The following TTLL8 variants were observed in gnomAD, a reference collection of about 807,000 sequenced individuals.
The protein encoded by TTLL8 is tubulin tyrosine ligase like 8.
TTLL8 carries 65 observed loss-of-function variants against 77.8 expected under a neutral mutation model. The ratio of observed to expected loss-of-function variants is 0.84; its 90% confidence interval spans 0.68 to 1.03. TTLL8 has a LOEUF of 1.03. Among genes scored for constraint, TTLL8 ranks in the 50% least tolerant of loss-of-function variants. The pLI, the probability that TTLL8 is intolerant of heterozygous loss-of-function variation, is 0.00. For missense variants in TTLL8, 910 were observed against 1,004.5 expected, an observed-to-expected ratio of 0.91 and a Z score of 1.27; for synonymous variants, 402 against 422.8, an observed-to-expected ratio of 0.95 and a Z score of 0.60.
chr22:50,041,089 A>G lies in TTLL8; in HGVS notation c.921+98T>C. 2.8e-6 allele frequency: 1 copy of G among 351,744 alleles called. No individual in the cohort carries two copies. Among genetic ancestry groups the G allele is most frequent in the African/African-American group, 2.3e-5 (1 of 44,104 alleles). The allele number at this position is 351,744 out of a possible 1,614,324, so 21.8% of individuals were successfully genotyped here. ...GGCACACCTCTGCCAGTCACTCGCC[A>G]GCTGCCAGGAGCTCTGGGCCCAGGC... On this transcript the variant is annotated intron_variant, in intron 8 of 13. Coordinates refer to ENST00000266182, the Ensembl canonical transcript of TTLL8. The surrounding 1 kb of genome is among the most constrained non-coding windows in gnomAD (Gnocchi z 4.3).
upstream of TTLL8, among the ~76,000 whole-genome samples, chr22:50,057,400 CTGGGT>C (rs1569237007): frequency 1.1e-4 from 5 of 44,652 alleles, no homozygotes; most frequent in Non-Finnish European, 3.9e-5. Context: ...GGGGTCAGGT[CTGGGT>C]TGGGCGGGAG....
intron 12 of TTLL8, among the ~76,000 whole-genome samples, chr22:50,024,945 G>A (rs2061223234): frequency 6.6e-6 from 1 of 152,190 alleles, no homozygotes; most frequent in Non-Finnish European, 1.5e-5. Flanking sequence ...GCAGGTGCCA[G>A]GTTATGTTCT....
intron 4 of TTLL8, 127 bp downstream of exon 6, chr22:50,047,041 A>C (rs1010434878): frequency 1.7e-6 from 2 of 1,193,930 alleles, no homozygotes; most frequent in Non-Finnish European, 1.1e-6. Context: ...TTAGACCAGG[A>C]GTCCTGGGAT....
chr22:50,056,752 T>G (rs1186281422), upstream of TTLL8: 2 of 1,281,300 alleles, frequency 1.6e-6, no homozygotes, highest in Non-Finnish European at 2.0e-6. This position sits in a 1 kb window ranked among gnomAD's most constrained non-coding sequence, Gnocchi z 4.1. Context: ...TGCAGCTCAG[T>G]GAAGTGCCTG....
At chr22:50,029,738 CA>C (rs1024959282) in intron 12 of TTLL8, among the ~76,000 whole-genome samples, 2 of 151,726 alleles carry the variant, frequency 1.3e-5, no homozygotes, top group Admixed American at 6.6e-5. Flanking sequence ...CTCAAAAAAA[CA>C]AAAAAAACAA....
In TTLL8 at chr22:50,034,921, C is replaced by G. The variant is rs1347132926; in HGVS notation, c.922-459G>C. On this transcript the variant is annotated intron_variant, in intron 8 of 13. Transcript: ENST00000266182. The surrounding 1 kb of genome is among the most constrained non-coding windows in gnomAD (Gnocchi z 4.1). ...ACCCCTGGTAGGAAAGTGGCCGGCC[C>G]GTGCAGGCCTCCTGTGTCCCGGCCA... Among the ~76,000 whole-genome samples, 7 of 152,210 alleles carry G rather than the reference C, an allele frequency of 4.6e-5. No homozygotes were observed. Among genetic ancestry groups the G allele is most frequent in the Non-Finnish European group, 1.0e-4 (7 of 68,036 alleles).
Position 50,040,233 on chromosome 22 carries a change from T to C in TTLL8, c.921+954A>G, listed in dbSNP as rs527645709. 1.0e-4 allele frequency among the ~76,000 whole-genome samples: 15 copies of C among 149,394 alleles called. No individual in the cohort carries two copies. The East Asian group carries it at 3.0e-3, about 30-fold the overall frequency. Reference sequence around the variant, plus strand: ...TGTCAGCATGGATGGACCTCACTTGTGCCGGCGTAGGCAGACCTCATGGAT... The same window carrying C: ...TGTCAGCATGGATGGACCTCACTTGCGCCGGCGTAGGCAGACCTCATGGAT... On this transcript the variant is annotated intron_variant, in intron 8 of 13. Coordinates refer to ENST00000266182, the Ensembl canonical transcript of TTLL8.
At position 50,035,296 on chromosome 22, in the gene TTLL8, G is replaced by A. The variant is rs181659854; in HGVS notation, c.922-834C>T. Among the ~76,000 whole-genome samples the A allele has an allele frequency of 2.5e-3, 380 of 152,308 alleles. 1 individual carries two copies. Among genetic ancestry groups the A allele is most frequent in the Admixed American group, 4.8e-3 (74 of 15,298 alleles). On this transcript the variant is annotated intron_variant, in intron 8 of 13. Transcript: ENST00000266182. ...GACGCCAGCCGTGACTCTCACAGCC[G>A]GCCTGGGCTGGGGTGGGGAAGCCCC...
In TTLL8 at chr22:50,041,935, A is replaced by G; in HGVS notation, c.644-128T>C. 1.2e-6 allele frequency: 1 copy of G among 827,774 alleles called. No individual in the cohort carries two copies. The highest frequency in any genetic ancestry group is 1.6e-6 in the Non-Finnish European group (1 of 609,890). 51.3% of individuals were successfully genotyped at this position (827,774 alleles called of 1,614,324 possible). A position where few individuals can be genotyped will look rare whatever the true frequency, so the allele number is the denominator to read the frequency against. ...TCCCTCTGTGCCCCAATACCCAACAAGTATCCCAGATCCCCAGACAGGCAC... is the reference window on the plus strand; with the variant it reads ...TCCCTCTGTGCCCCAATACCCAACAGGTATCCCAGATCCCCAGACAGGCAC... On this transcript the variant is annotated intron_variant, in intron 6 of 13. Coordinates refer to ENST00000266182, the Ensembl canonical transcript of TTLL8. The surrounding 1 kb of genome is among the most constrained non-coding windows in gnomAD (Gnocchi z 4.3).
Position 50,030,425 on chromosome 22 carries a change from G to A in TTLL8, c.2203+5C>T. 1 of 1,324,792 alleles carries A rather than the reference G, an allele frequency of 7.5e-7. No individual in the cohort carries two copies. Among genetic ancestry groups the A allele is most frequent in the Middle Eastern group, 3.3e-4 (1 of 3,046 alleles). 82.1% of individuals were successfully genotyped at this position (1,324,792 alleles called of 1,614,324 possible). On this transcript the variant is annotated splice_donor_5th_base_variant and intron_variant, in intron 12 of 13. Transcript: ENST00000266182. ...CCACAGCGCACCGCCGGCGGCGCAG[G>A]TTACCTTTTCCTCCGGGCGGCGGAC...
chr22:50,039,573 A>C (rs894570808), intron 8 of TTLL8, among the ~76,000 whole-genome samples: 2 of 152,260 alleles, frequency 1.3e-5, no homozygotes, highest in African/African-American at 4.8e-5. Flanking sequence ...AAGACAGAGA[A>C]TATCTTAAAG....
chr22:50,056,525 C>T (rs1308773742), upstream of TTLL8, among the ~76,000 whole-genome samples: 3 of 152,106 alleles, frequency 2.0e-5, no homozygotes, highest in African/African-American at 4.8e-5. This position sits in a 1 kb window ranked among gnomAD's most constrained non-coding sequence, Gnocchi z 4.1. Context: ...ACCCACGCAA[C>T]GAAGACGAGT....
In TTLL8 at chr22:50,030,652, C is replaced by A. The variant is rs753801397; in HGVS notation, c.1981G>T (p.Gly661Cys). The A allele has an allele frequency of 3.1e-6, 4 of 1,281,902 alleles. No homozygotes were observed. In the Admixed American group the frequency reaches 9.9e-5, roughly 32 times the overall value. The allele number at this position is 1,281,902 out of a possible 1,614,324, so 79.4% of individuals were successfully genotyped here. The change falls in exon 12 of 14, where the codon GGT becomes TGT. Residue 661 changes from glycine to cysteine, a missense_variant. Gly to Cys is a radical substitution (Grantham distance 159, BLOSUM62 -3). Around this residue, in one of 2 missense-constraint regions of TTLL8, gnomAD observed 776 missense variants for 926.1 expected, o/e 0.84. Coordinates refer to ENST00000266182, the Ensembl canonical transcript of TTLL8. ...GTGCGGGTGGGCTGTGCGGCTCCAC[C>A]GCTCTCGGCTGCCCCCCTTAAGGGT...
upstream of TTLL8, among the ~76,000 whole-genome samples, chr22:50,058,182 G>A (rs2061497184): frequency 6.6e-6 from 1 of 151,830 alleles, no homozygotes; most frequent in African/African-American, 2.4e-5. This position sits in a 1 kb window ranked among gnomAD's most constrained non-coding sequence, Gnocchi z 4.2. Context: ...CTCGCGCTGC[G>A]CCGCCCGGCT....
intron 12 of TTLL8, among the ~76,000 whole-genome samples, chr22:50,028,829 G>A (rs56002730): frequency 0.012 from 48 of 4,086 alleles, 2 homozygotes; most frequent in Admixed American, 0.048. Context: ...CCCCCATCAC[G>A]CTGTCCTAAA....
intron 1 of TTLL8, 130 bp from the exon 4 acceptor site, chr22:50,050,377 T>A: frequency 4.2e-5 from 2 of 47,234 alleles, no homozygotes; most frequent in Non-Finnish European, 5.2e-5. Context: ...AATATGTCCT[T>A]TTTTTTTTTT....
chr22:50,019,109 G>T (rs1487815887), intron 12 of TTLL8, among the ~76,000 whole-genome samples: 1 of 152,202 alleles, frequency 6.6e-6, no homozygotes, highest in Non-Finnish European at 1.5e-5. Context: ...TATATTGCCA[G>T]GTGGGTATAA....
chr22:50,025,110 C>T (rs761690205), intron 12 of TTLL8, among the ~76,000 whole-genome samples: 18 of 152,078 alleles, frequency 1.2e-4, no homozygotes, highest in Non-Finnish European at 2.4e-4. Context: ...TAAAGCTTGT[C>T]GAAGGAATCA....
Position 50,045,169 on chromosome 22 carries a change from A to C in TTLL8, c.643+86T>G. 2.4e-6 allele frequency: 3 copies of C among 1,265,560 alleles called. No individual in the cohort carries two copies. The South Asian group carries it at 3.9e-5, about 17-fold the overall frequency. 78.4% of individuals were successfully genotyped at this position (1,265,560 alleles called of 1,614,324 possible). ...AGCCCCGGCTGCTGCAACCCTCAGGACTGACCACACCCAGGAGGCGGGAGG... is the reference window on the plus strand; with the variant it reads ...AGCCCCGGCTGCTGCAACCCTCAGGCCTGACCACACCCAGGAGGCGGGAGG... On this transcript the variant is annotated intron_variant, in intron 6 of 13. Transcript: ENST00000266182.
Sources: allele counts gnomAD v4.1 joint callset (sites outside exome capture counted in the v4.1 genomes callset), GRCh38; gene constraint gnomAD v4.1.1; regional missense constraint gnomAD v4.1.1; non-coding constraint Gnocchi (gnomAD v3.1); transcripts MANE v1.5; gene names NCBI Gene and HGNC (gene_info 2026-07-23, HGNC 2026-07-21).